The following KIF26B variants were observed in gnomAD, a reference collection of about 807,000 sequenced individuals.
KIF26B encodes the protein kinesin-like protein KIF26B.
Under a neutral mutation model 151.2 loss-of-function variants are expected in KIF26B, and 63 were observed. That is an observed-to-expected ratio of 0.42 (90% confidence interval 0.34 to 0.51). KIF26B has a LOEUF of 0.51. KIF26B is among the 20% of genes least tolerant of loss of function. KIF26B has a pLI of 0.07. For missense variants in KIF26B, 2,813 were observed against 2,913.6 expected (o/e 0.97, Z 0.79); for synonymous variants, 1,357 against 1,262.1 (o/e 1.08, Z -1.59).
intron 2 of KIF26B, among the ~76,000 whole-genome samples, chr1:245,255,822 C>T (rs114629667): frequency 0.013 from 1,992 of 152,220 alleles, 37 homozygotes; most frequent in African/African-American, 0.035. Context: ...CAAGATGGTA[C>T]CACTAATGTA....
chr1:245,521,223 G>A (rs1169692851), intron 4 of KIF26B, among the ~76,000 whole-genome samples: 1 of 152,020 alleles, frequency 6.6e-6, no homozygotes, highest in Non-Finnish European at 1.5e-5. Flanking sequence ...TGTAGTCCCA[G>A]CTACTCCGAA....
chr1:245,530,182 C>A (rs528821199), intron 4 of KIF26B, among the ~76,000 whole-genome samples: 19 of 152,278 alleles, frequency 1.2e-4, no homozygotes, highest in African/African-American at 4.3e-4. Flanking sequence ...CAGGCAATAA[C>A]AAATGCTGGT....
At chr1:245,531,396 C>A (rs778230132) in intron 4 of KIF26B, among the ~76,000 whole-genome samples, 3 of 152,094 alleles carry the variant, frequency 2.0e-5, no homozygotes, top group African/African-American at 7.2e-5. Flanking sequence ...TGGCTAAAGT[C>A]AGGGAACTTG....
At chr1:245,539,282 A>G (rs1661549718) in intron 4 of KIF26B, among the ~76,000 whole-genome samples, 1 of 152,202 alleles carries the variant, frequency 6.6e-6, no homozygotes, top group African/African-American at 2.4e-5. Flanking sequence ...CATGACACTT[A>G]ATGATACAGA....
chr1:245,490,424 G>A (rs1456478620), intron 4 of KIF26B, among the ~76,000 whole-genome samples: 1 of 147,916 alleles, frequency 6.8e-6, no homozygotes, highest in African/African-American at 2.5e-5. Flanking sequence ...TGATTCTCCT[G>A]CCTCAGCCTC....
intron 9 of KIF26B, among the ~76,000 whole-genome samples, chr1:245,637,478 T>C (rs998765440): frequency 6.6e-6 from 1 of 152,066 alleles, no homozygotes; most frequent in African/African-American, 2.4e-5. Context: ...ATCTTTTCAC[T>C]TTGTTGTTTC....
intron 4 of KIF26B, among the ~76,000 whole-genome samples, chr1:245,462,292 C>T (rs908275122): frequency 2.0e-5 from 3 of 152,102 alleles, no homozygotes; most frequent in East Asian, 1.9e-4. Flanking sequence ...ATGTGAAAAT[C>T]CGAATCACAG....
chr1:245,254,508 G>A (rs1670500211), intron 2 of KIF26B, among the ~76,000 whole-genome samples: 1 of 152,188 alleles, frequency 6.6e-6, no homozygotes, highest in Admixed American at 6.5e-5. Context: ...ACTTATTTTT[G>A]AAAGGCATCC....
intron 4 of KIF26B, among the ~76,000 whole-genome samples, chr1:245,461,728 G>C (rs1241735748): frequency 6.6e-6 from 1 of 152,166 alleles, no homozygotes; most frequent in Non-Finnish European, 1.5e-5. Context: ...AGTGTTGGCT[G>C]CAAGAATGGC....
At chr1:245,682,841 C>T (rs184989964) in intron 10 of KIF26B, among the ~76,000 whole-genome samples, 108 of 152,332 alleles carry the variant, frequency 7.1e-4, no homozygotes, top group Non-Finnish European at 1.1e-3. Context: ...GCTTCCTCGT[C>T]GAGTGCGGCT....
chr1:245,687,998 C>T lies in KIF26B; in HGVS notation c.5015C>T (p.Ala1672Val), dbSNP rs746379050. The T allele has an allele frequency of 9.6e-6, 15 of 1,568,124 alleles. No individual in the cohort carries two copies. Among genetic ancestry groups the T allele is most frequent in the Non-Finnish European group, 1.2e-5 (14 of 1,158,428 alleles). ...AGCAGAAGCAACTCGCTGGGCAGGG[C>T]GACAGTCAGCCACTACGAATGCCTC... ...LASRSNSLGR[A>V]TVSHYECLSL... is the part of the protein sequence containing the mutation. The change falls in exon 12 of 15, where the codon GCG (alanine) becomes GTG (valine). Residue 1672 changes from alanine (A) to valine (V), a missense_variant. Ala to Val is a moderately conservative substitution (Grantham distance 64). Around this residue, in one of 3 missense-constraint regions of KIF26B, gnomAD observed 2,060 missense variants for 2,088.6 expected, o/e 0.99. Transcript: ENST00000407071. The surrounding 1 kb of genome is among the most constrained non-coding windows in gnomAD (Gnocchi z 4.9).
rs778585264 is a variant in KIF26B, at chr1:245,686,222, A to G, written c.3239A>G (p.Lys1080Arg). 2.2e-5 allele frequency: 35 copies of G among 1,612,542 alleles called. No homozygotes were observed. The highest frequency in any genetic ancestry group is 1.6e-4 in the Middle Eastern group (1 of 6,084). The change falls in exon 12 of 15, where the codon AAG becomes AGG. Residue 1080 changes from lysine to arginine, a missense_variant. Transcript: ENST00000407071. The surrounding 1 kb of genome is among the most constrained non-coding windows in gnomAD (Gnocchi z 5.6). ...IASLSKTSEY[K>R]PPSSPSQRCK... ...AGCCTGTCCAAGACCTCGGAGTACA[A>G]GCCACCCAGCTCTCCTTCCCAGAGA...
At chr1:245,435,997 C>A (rs1000623485) in intron 4 of KIF26B, among the ~76,000 whole-genome samples, 1 of 151,976 alleles carries the variant, frequency 6.6e-6, no homozygotes, top group African/African-American at 2.4e-5. Flanking sequence ...GCCAACATGA[C>A]AAAACCCCGT....
intron 4 of KIF26B, among the ~76,000 whole-genome samples, chr1:245,503,403 T>A (rs1660662509): frequency 6.6e-6 from 1 of 152,218 alleles, no homozygotes; most frequent in East Asian, 1.9e-4. Context: ...TTTAAGATAT[T>A]GGCATGTCCC....
At chr1:245,221,264 A>G (rs1357336351) in intron 2 of KIF26B, among the ~76,000 whole-genome samples, 1 of 152,100 alleles carries the variant, frequency 6.6e-6, no homozygotes, top group Non-Finnish European at 1.5e-5. Context: ...AAAGAAGGGA[A>G]TAAATGAGCA....
intron 5 of KIF26B, among the ~76,000 whole-genome samples, chr1:245,588,708 C>G (rs1558226860): frequency 6.6e-6 from 1 of 152,202 alleles, no homozygotes; most frequent in East Asian, 1.9e-4. Flanking sequence ...TTGTTTTATG[C>G]GTAAACCCAA....
At chr1:245,420,450 C>A (rs965232640) in intron 4 of KIF26B, among the ~76,000 whole-genome samples, 3 of 152,194 alleles carry the variant, frequency 2.0e-5, no homozygotes, top group Non-Finnish European at 2.9e-5. Flanking sequence ...GAAGGTTCAA[C>A]TAGGAGTGAG....
chr1:245,409,197 T>C (rs1255494106), intron 3 of KIF26B, among the ~76,000 whole-genome samples: 9 of 152,200 alleles, frequency 5.9e-5, no homozygotes, highest in Non-Finnish European at 1.3e-4. Flanking sequence ...GGTGGGACCA[T>C]ATCACCTCTT....
intron 10 of KIF26B, among the ~76,000 whole-genome samples, chr1:245,661,764 T>C (rs927106989): frequency 7.2e-6 from 1 of 138,756 alleles, no homozygotes; most frequent in Non-Finnish European, 1.6e-5. Context: ...ACCCTATATG[T>C]ATACACCCAA....
Sources: allele counts gnomAD v4.1 joint callset (sites outside exome capture counted in the v4.1 genomes callset), GRCh38; gene constraint gnomAD v4.1.1; regional missense constraint gnomAD v4.1.1; non-coding constraint Gnocchi (gnomAD v3.1); transcripts MANE v1.5; gene names NCBI Gene and HGNC (gene_info 2026-07-23, HGNC 2026-07-21).